WASL: variants seen among roughly 807,000 people sequenced by gnomAD.
WASL encodes actin nucleation-promoting factor WASL.
Under a neutral mutation model 55.5 loss-of-function variants are expected in WASL, and 20 were observed. The ratio of observed to expected loss-of-function variants is 0.36; its 90% CI spans 0.25 to 0.52. The LOEUF (loss-of-function observed/expected upper bound fraction) is 0.52. WASL is among the 20% of genes least tolerant of loss of function. The probability of loss-of-function intolerance (pLI) is 0.92; values close to 1 mark genes in which losing one functional copy is unlikely to be tolerated. For missense variants in WASL, 504 were observed against 622.5 expected (o/e 0.81, Z 2.03); for synonymous variants, 249 against 217.6 (o/e 1.14, Z -1.27).
At chr7:123,694,616 T>C in intron 8 of WASL, 99 bp downstream of exon 8, 1 of 1,278,602 alleles carries the variant, frequency 7.8e-7, no homozygotes, top group Non-Finnish European at 1.1e-6. Flanking sequence ...AACATTCTGC[T>C]CAAGGAAGGG....
intron 1 of WASL, among the ~76,000 whole-genome samples, chr7:123,732,686 T>C (rs1174009585): frequency 6.6e-6 from 1 of 152,210 alleles, no homozygotes; most frequent in Non-Finnish European, 1.5e-5. Context: ...CGTAACTATT[T>C]TGTAAAGCCA....
Position 123,748,669 on chromosome 7 carries a change from G to A in WASL, c.66C>T (p.Leu22=), listed in dbSNP as rs760919018. 19 of 1,612,818 alleles carry A rather than the reference G, an allele frequency of 1.2e-5. No homozygotes were observed. The highest frequency in any genetic ancestry group is 1.7e-5 in the Admixed American group (1 of 59,946). Residue 22 remains leucine, a synonymous_variant, in exon 1 of 11, where the codon CTC becomes CTT. Coordinates refer to ENST00000223023, the MANE Select transcript of WASL (RefSeq NM_003941.4). ...RRVTNVGSLL[L]TPQENESLFT... is the part of the protein sequence containing the mutation. ...AGAGGGACTCGTTCTCCTGCGGGGT[G>A]AGCAACAGGGACCCCACGTTGGTGA...
rs1803438268 is a variant in WASL at position 123,693,019 on chromosome 7, G to T, written c.827-152C>A. ...TATTTTACAAAGATACCTGAGCACA[G>T]ATGATATCTCACAATTTTTTTTGAG... On this transcript the variant is annotated intron_variant, in intron 8 of 10. Coordinates refer to ENST00000223023, the MANE Select transcript of WASL (RefSeq NM_003941.4). 9 of 1,090,132 alleles carry T rather than the reference G, an allele frequency of 8.3e-6. No individual in the cohort carries two copies. In the South Asian group the frequency reaches 3.3e-4, roughly 39 times the overall value. 67.5% of individuals were successfully genotyped at this position (1,090,132 alleles called of 1,614,324 possible). A position where few individuals can be genotyped will look rare whatever the true frequency, so the allele number is the denominator to read the frequency against.
At chr7:123,726,877 A>G (rs1293334558) in intron 1 of WASL, among the ~76,000 whole-genome samples, 1 of 152,008 alleles carries the variant, frequency 6.6e-6, no homozygotes, top group African/African-American at 2.4e-5. Flanking sequence ...AATAATAATA[A>G]TAATAATAAT....
At chr7:123,694,906 C>T (rs1318689061) in intron 7 of WASL, 38 bp from the exon 8 acceptor site, 4 of 1,566,200 alleles carry the variant, frequency 2.6e-6, no homozygotes, top group South Asian at 1.2e-5. Context: ...AAAAATATAT[C>T]CCAATTTAAA....
intron 1 of WASL, among the ~76,000 whole-genome samples, chr7:123,741,555 C>T (rs1282452179): frequency 2.0e-5 from 3 of 152,082 alleles, no homozygotes; most frequent in African/African-American, 7.2e-5. Context: ...GACTTCTAGA[C>T]AGAATAAATT....
chr7:123,722,620 C>A (rs1803967147), intron 1 of WASL, among the ~76,000 whole-genome samples: 1 of 152,036 alleles, frequency 6.6e-6, no homozygotes, highest in Admixed American at 6.6e-5. Context: ...GAGTTCAACA[C>A]CAGCGTGGCC....
intron 7 of WASL, among the ~76,000 whole-genome samples, chr7:123,695,103 T>C (rs1157802963): frequency 3.9e-5 from 6 of 152,156 alleles, no homozygotes; most frequent in African/African-American, 9.7e-5. Context: ...AGATTTCTAT[T>C]AGCCTATTCA....
intron 1 of WASL, among the ~76,000 whole-genome samples, chr7:123,722,865 A>G (rs1193739384): frequency 6.6e-6 from 1 of 152,124 alleles, no homozygotes; most frequent in African/African-American, 2.4e-5. Context: ...TGAAAGCAAG[A>G]ATAAAAATGT....
At chr7:123,718,672 G>C (rs1258257107) in intron 1 of WASL, among the ~76,000 whole-genome samples, 2 of 152,128 alleles carry the variant, frequency 1.3e-5, no homozygotes, top group Non-Finnish European at 2.9e-5. Flanking sequence ...TGGGATTACA[G>C]GCATGAACCA....
chr7:123,717,312 G>A (rs1584866474), intron 1 of WASL, among the ~76,000 whole-genome samples: 1 of 152,188 alleles, frequency 6.6e-6, no homozygotes, highest in Non-Finnish European at 1.5e-5. Context: ...CTTTTACTTC[G>A]TAGAGTCCCT....
intron 1 of WASL, among the ~76,000 whole-genome samples, chr7:123,720,504 G>A (rs887772222): frequency 6.6e-6 from 1 of 152,228 alleles, no homozygotes; most frequent in African/African-American, 2.4e-5. Flanking sequence ...GCCTATGTAT[G>A]CACAGAACCT....
rs200555516 is a variant in WASL, at chr7:123,696,791, T to C, written c.461-44A>G. ...TATATAAAAGGGATATAATTTAAGATAACTGATATACAATCATAATTTACA... is the reference window on the plus strand; with the variant it reads ...TATATAAAAGGGATATAATTTAAGACAACTGATATACAATCATAATTTACA... On this transcript the variant is annotated intron_variant, in intron 5 of 10. Coordinates refer to ENST00000223023, the MANE Select transcript of WASL (RefSeq NM_003941.4). The C allele has an allele frequency of 1.6e-5, 20 of 1,279,244 alleles. No homozygotes were observed. In the African/African-American group the frequency reaches 3.1e-4, roughly 20 times the overall value. 79.2% of individuals were successfully genotyped at this position (1,279,244 alleles called of 1,614,324 possible).
chr7:123,732,899 T>C (rs559812675), intron 1 of WASL, among the ~76,000 whole-genome samples: 79 of 152,302 alleles, frequency 5.2e-4, no homozygotes, highest in African/African-American at 1.8e-3. Context: ...AGTCAACTAA[T>C]ATAACCTATC....
At chr7:123,728,612 C>A (rs987612343) in intron 1 of WASL, among the ~76,000 whole-genome samples, 1 of 152,128 alleles carries the variant, frequency 6.6e-6, no homozygotes, top group Admixed American at 6.6e-5. Flanking sequence ...GAGGCCGAGG[C>A]AGGCAGATCA....
At chr7:123,709,324 C>T (rs1803720185) in intron 1 of WASL, 101 bp from the exon 2 acceptor site, 2 of 922,346 alleles carry the variant, frequency 2.2e-6, no homozygotes, top group Non-Finnish European at 3.0e-6. Flanking sequence ...TAAGCTGCTC[C>T]TAAATTCCTG....
rs528057172 is a variant in WASL at position 123,708,990 on chromosome 7, T to C, written c.252+99A>G. Reference sequence around the variant, plus strand: ...CTTCTAATATTAGTTTATGTATAAATTTAAATATCACATATAGGATAAACA... The same window carrying C: ...CTTCTAATATTAGTTTATGTATAAACTTAAATATCACATATAGGATAAACA... On this transcript the variant is annotated intron_variant, in intron 2 of 10. Coordinates refer to ENST00000223023, the MANE Select transcript of WASL (RefSeq NM_003941.4). 23 of 1,152,574 alleles carry C rather than the reference T, an allele frequency of 2.0e-5. No individual in the cohort carries two copies. The African/African-American group carries it at 3.2e-4, about 16-fold the overall frequency. 71.4% of individuals were successfully genotyped at this position (1,152,574 alleles called of 1,614,324 possible). A position where few individuals can be genotyped will look rare whatever the true frequency, so the allele number is the denominator to read the frequency against.
At chr7:123,722,190 C>T (rs533201517) in intron 1 of WASL, among the ~76,000 whole-genome samples, 1 of 152,218 alleles carries the variant, frequency 6.6e-6, no homozygotes, top group East Asian at 1.9e-4. Context: ...CAGATGTCTA[C>T]CATATTGGAC....
intron 3 of WASL, 50 bp from the exon 4 acceptor site, chr7:123,706,423 C>CA: frequency 6.6e-7 from 1 of 1,510,832 alleles, no homozygotes; most frequent in Non-Finnish European, 9.1e-7. Context: ...ATGAATTTAG[C>CA]TTTATATCAT....
Sources: allele counts gnomAD v4.1 joint callset (sites outside exome capture counted in the v4.1 genomes callset), GRCh38; gene constraint gnomAD v4.1.1; transcripts MANE v1.5; gene names NCBI Gene and HGNC (gene_info 2026-07-23, HGNC 2026-07-21).